Variants in PXDN observed in about 807,000 individuals in gnomAD.
The protein encoded by PXDN is peroxidasin homolog.
In PXDN, 77 loss-of-function variants were observed where a neutral mutation model predicts 140.3. That is an observed-to-expected ratio of 0.55 (90% confidence interval 0.46 to 0.66). The LOEUF (loss-of-function observed/expected upper bound fraction) is 0.66. Ranked by LOEUF, PXDN falls within the 30% of genes least tolerant of loss-of-function variation. The pLI is 0.00. For missense variants in PXDN, 1,838 were observed against 2,039.5 expected, an observed-to-expected ratio of 0.90 and a Z score of 1.90; for synonymous variants, 911 against 857.4, an observed-to-expected ratio of 1.06 and a Z score of -1.09.
At chr2:1,690,741 G>A (rs528503406) in intron 3 of PXDN, among the ~76,000 whole-genome samples, 1 of 149,562 alleles carries the variant, frequency 6.7e-6, no homozygotes, top group South Asian at 2.1e-4. Context: ...GCTTCATCAT[G>A]TTTATATGAA....
chr2:1,661,279 G>A (rs1683297922), intron 13 of PXDN, among the ~76,000 whole-genome samples: 1 of 152,182 alleles, frequency 6.6e-6, no homozygotes, highest in African/African-American at 2.4e-5. Context: ...TTGACAGCTT[G>A]AGGCAAGGAT....
chr2:1,655,136 C>T (rs1029236073), intron 14 of PXDN, among the ~76,000 whole-genome samples: 2 of 149,702 alleles, frequency 1.3e-5, no homozygotes, highest in East Asian at 2.0e-4. Context: ...ATTACATGCA[C>T]GCCACACACA....
At chr2:1,658,256 C>T (rs1481914914) in intron 14 of PXDN, among the ~76,000 whole-genome samples, 1 of 147,090 alleles carries the variant, frequency 6.8e-6, no homozygotes, top group South Asian at 2.1e-4. Flanking sequence ...CAAATTTACA[C>T]CATCGTCCTG....
intron 11 of PXDN, chr2:1,664,137 C>G (rs914154191): frequency 1.0e-5 from 2 of 196,314 alleles, no homozygotes; most frequent in Non-Finnish European, 1.0e-5. Flanking sequence ...AGTTCCTTTC[C>G]GGGATAAACC....
rs756363539 is a variant in PXDN at position 1,680,178 on chromosome 2, T to C, written c.730+15A>G. Reference sequence around the variant, plus strand: ...TGTGAGTGTGTGGATGGTGTGTGCGTGTCGGGCCACTCACCACAGTTCAGC... The same window carrying C: ...TGTGAGTGTGTGGATGGTGTGTGCGCGTCGGGCCACTCACCACAGTTCAGC... On this transcript the variant is annotated intron_variant, in intron 7 of 22. Coordinates refer to ENST00000252804, the MANE Select transcript of PXDN (RefSeq NM_012293.3). The C allele has an allele frequency of 6.5e-7, 1 of 1,546,268 alleles. No individual in the cohort carries two copies. The highest frequency in any genetic ancestry group is 8.7e-7 in the Non-Finnish European group (1 of 1,143,292).
At chr2:1,699,475 G>A (rs1572169314) in intron 1 of PXDN, among the ~76,000 whole-genome samples, 3 of 152,172 alleles carry the variant, frequency 2.0e-5, no homozygotes. Context: ...TTGGGAGGCC[G>A]AGGCCGGCGG....
rs761475058 is a variant in PXDN at position 1,664,938 on chromosome 2, A to T, written c.1408+20T>A. The T allele has an allele frequency of 9.7e-6, 15 of 1,549,454 alleles. No individual in the cohort carries two copies. The highest frequency in any genetic ancestry group is 3.4e-4 in the Middle Eastern group (2 of 5,870). On this transcript the variant is annotated intron_variant, in intron 11 of 22. Transcript: ENST00000252804. ...CTGTGGCCGCGGAGGGAGCAGGCAA[A>T]GGGCCGGCCTGGGTCTTACCTCCCT...
Position 1,714,756 on chromosome 2 carries a change from T to C in PXDN, c.201-21622A>G, listed in dbSNP as rs1189456062. Among the ~76,000 whole-genome samples, 1 of 152,198 alleles carries C rather than the reference T, an allele frequency of 6.6e-6. No individual in the cohort carries two copies. Among genetic ancestry groups the C allele is most frequent in the African/African-American group, 2.4e-5 (1 of 41,458 alleles). On this transcript the variant is annotated intron_variant, in intron 1 of 22. Coordinates refer to ENST00000252804, the MANE Select transcript of PXDN (RefSeq NM_012293.3). The surrounding 1 kb of genome is among the most constrained non-coding windows in gnomAD (Gnocchi z 4.3). ...AAATATTTACTCTTCTTTTGATTTTTTTCAGACATTTAGAAATGCAAAGTG... is the reference window on the plus strand; with the variant it reads ...AAATATTTACTCTTCTTTTGATTTTCTTCAGACATTTAGAAATGCAAAGTG...
chr2:1,683,759 T>C (rs1267364091), intron 5 of PXDN, 32 bp from the exon 6 acceptor site: 4 of 1,502,156 alleles, frequency 2.7e-6, no homozygotes, highest in African/African-American at 1.4e-5. Flanking sequence ...CAAACCAATT[T>C]TGAAAAATAT....
intron 8 of PXDN, among the ~76,000 whole-genome samples, chr2:1,675,171 C>G (rs1239329525): frequency 1.3e-5 from 2 of 152,140 alleles, no homozygotes; most frequent in East Asian, 3.9e-4. Flanking sequence ...CCAATCCCCC[C>G]CACCAGAAAC....
intron 1 of PXDN, among the ~76,000 whole-genome samples, chr2:1,705,510 C>A (rs1186210989): frequency 6.7e-6 from 1 of 150,152 alleles, no homozygotes; most frequent in Non-Finnish European, 1.5e-5. Flanking sequence ...TCCCCACGAC[C>A]TGGGATGCAG....
In PXDN at chr2:1,633,850, A is replaced by G. The variant is rs190988948; in HGVS notation, c.*354T>C. On this transcript the variant is annotated 3_prime_UTR_variant, in exon 23 of 23. Coordinates refer to ENST00000252804, the MANE Select transcript of PXDN (RefSeq NM_012293.3). ...ATATAGAGGTATCCTGCTTTATTTA[A>G]AAAGAAATGGTGTTGGGAGGCAAAA... The G allele has an allele frequency of 4.3e-3, 763 of 175,828 alleles. 3 individuals are homozygous for G. Among genetic ancestry groups the G allele is most frequent in the Non-Finnish European group, 7.1e-3 (588 of 82,480 alleles). The allele number at this position is 175,828 out of a possible 1,614,324, so 10.9% of individuals were successfully genotyped here.
chr2:1,687,906 G>A lies in PXDN; in HGVS notation c.345-203C>T, dbSNP rs752695987. On this transcript the variant is annotated intron_variant, in intron 3 of 22. Coordinates refer to ENST00000252804, the MANE Select transcript of PXDN (RefSeq NM_012293.3). The surrounding 1 kb of genome is among the most constrained non-coding windows in gnomAD (Gnocchi z 4.0). ...GATCTCAAGGGGGCTAAAAGCAACC[G>A]GTGCCAACTGAAGGTGATCAAACCA... Among the ~76,000 whole-genome samples the A allele has an allele frequency of 2.6e-5, 4 of 152,176 alleles. No homozygotes were observed. The highest frequency in any genetic ancestry group is 5.9e-5 in the Non-Finnish European group (4 of 68,038).
In PXDN at chr2:1,639,532, T is replaced by C. The variant is rs1443983758; in HGVS notation, c.3953-110A>G. 1.3e-6 allele frequency: 2 copies of C among 1,526,984 alleles called. No homozygotes were observed. The highest frequency in any genetic ancestry group is 2.7e-5 in the African/African-American group (2 of 73,140). The allele number at this position is 1,526,984 out of a possible 1,614,324, so 94.6% of individuals were successfully genotyped here. ...TTCACTGGCTGCCCGTGGAACAAAC[T>C]GTGGCACATTTCAGTGAGGCAACCT... On this transcript the variant is annotated intron_variant, in intron 19 of 22. Coordinates refer to ENST00000252804, the MANE Select transcript of PXDN (RefSeq NM_012293.3). This position sits in a 1 kb window ranked among gnomAD's most constrained non-coding sequence, Gnocchi z 5.0.
chr2:1,707,019 T>C (rs1415265157), intron 1 of PXDN, among the ~76,000 whole-genome samples: 2 of 132,994 alleles, frequency 1.5e-5, no homozygotes, highest in Non-Finnish European at 3.4e-5. Context: ...GCCCCACTAA[T>C]AATACAATCT....
intron 1 of PXDN, among the ~76,000 whole-genome samples, chr2:1,743,767 G>GGGCGGAGGGGGCTGGGA (rs1685614389): frequency 3.8e-5 from 5 of 130,922 alleles, no homozygotes; most frequent in African/African-American, 1.5e-4. Flanking sequence ...GACGAGGAAC[G>GGGCGGAGGGGGCTGGGA]GGGCGGAGGG....
intron 14 of PXDN, among the ~76,000 whole-genome samples, chr2:1,658,053 T>C (rs866638278): frequency 1.6e-4 from 21 of 127,776 alleles, no homozygotes; most frequent in Middle Eastern, 3.8e-3. Context: ...TCTCTCTCTC[T>C]CTCTCTCTCT....
chr2:1,678,569 C>T (rs1380871273), intron 7 of PXDN, among the ~76,000 whole-genome samples: 2 of 152,216 alleles, frequency 1.3e-5, no homozygotes, highest in African/African-American at 4.8e-5. Flanking sequence ...TACGGAAGGC[C>T]ATGAGTCGGT....
At chr2:1,707,879 C>T (rs762650887) in intron 1 of PXDN, among the ~76,000 whole-genome samples, 3 of 151,912 alleles carry the variant, frequency 2.0e-5, no homozygotes, top group Admixed American at 2.0e-4. Flanking sequence ...TTAGGATCTA[C>T]GTTTTACCAC....
Sources: allele counts gnomAD v4.1 joint callset (sites outside exome capture counted in the v4.1 genomes callset), GRCh38; gene constraint gnomAD v4.1.1; non-coding constraint Gnocchi (gnomAD v3.1); transcripts MANE v1.5; gene names NCBI Gene and HGNC (gene_info 2026-07-23, HGNC 2026-07-21).